The following SLC4A4 variants were observed in gnomAD, a reference collection of about 807,000 sequenced individuals.
The protein encoded by SLC4A4 is electrogenic sodium bicarbonate cotransporter 1.
In SLC4A4, 27 loss-of-function variants were observed where a neutral mutation model predicts 111.5. The observed-to-expected ratio is 0.24, with a 90% CI of 0.18 to 0.33. SLC4A4 has a LOEUF of 0.33. Ranked by LOEUF, SLC4A4 falls within the 10% of genes least tolerant of loss-of-function variation. The probability of loss-of-function intolerance (pLI) is 1.00; values close to 1 mark genes in which losing one functional copy is unlikely to be tolerated. For missense variants in SLC4A4, 909 were observed against 1,315.5 expected, an observed-to-expected ratio of 0.69 and a Z score of 4.78; for synonymous variants, 443 against 463.4, an observed-to-expected ratio of 0.96 and a Z score of 0.57.
chr4:71,516,810 C>G (rs192473421), intron 16 of SLC4A4, among the ~76,000 whole-genome samples: 36 of 152,244 alleles, frequency 2.4e-4, no homozygotes, highest in Non-Finnish European at 2.9e-5. Context: ...GTGTTCTATT[C>G]GAGGTATGTT....
chr4:71,443,116 C>CTCTCTCTCTCTCTCTCTCTATATA (rs1198759861), intron 8 of SLC4A4, among the ~76,000 whole-genome samples: 1 of 65,654 alleles, frequency 1.5e-5, no homozygotes, highest in African/African-American at 8.7e-5. Flanking sequence ...CTCTCTCTCT[C>CTCTCTCTCTCTCTCTCTCTATATA]TATATATATA....
Position 71,397,448 on chromosome 4 carries a change from A to C in SLC4A4, c.731-129A>C. ...TGGACTCTGGAAAACTCTTCAGAAGAATCCTAGTGTGGTTAAAAGTATCAT... is the reference window on the plus strand; with the variant it reads ...TGGACTCTGGAAAACTCTTCAGAAGCATCCTAGTGTGGTTAAAAGTATCAT... On this transcript the variant is annotated intron_variant, in intron 6 of 25. Coordinates refer to ENST00000264485, the MANE Select transcript of SLC4A4 (RefSeq NM_001098484.3). The C allele has an allele frequency of 3.6e-6, 3 of 830,906 alleles. No homozygotes were observed. In the South Asian group the frequency reaches 4.2e-5, roughly 12 times the overall value. 51.5% of individuals were successfully genotyped at this position (830,906 alleles called of 1,614,324 possible). A position where few individuals can be genotyped will look rare whatever the true frequency, so the allele number is the denominator to read the frequency against.
chr4:71,427,803 A>G (rs1413127612), intron 7 of SLC4A4, among the ~76,000 whole-genome samples: 2 of 152,182 alleles, frequency 1.3e-5, no homozygotes, highest in African/African-American at 2.4e-5. Flanking sequence ...GCTTACAACC[A>G]TCCACACAGA....
intron 6 of SLC4A4, among the ~76,000 whole-genome samples, chr4:71,385,565 A>T (rs1396062894): frequency 6.6e-6 from 1 of 152,118 alleles, no homozygotes. Flanking sequence ...TTCTAATGTT[A>T]GAAATACATG....
chr4:71,383,693 TC>T (rs1718390841), intron 6 of SLC4A4, among the ~76,000 whole-genome samples: 3 of 152,206 alleles, frequency 2.0e-5, no homozygotes, highest in South Asian at 4.1e-4. Flanking sequence ...GCAAGACACT[TC>T]CACATGTGTT....
rs538248246 is a variant in SLC4A4 at position 71,259,648 on chromosome 4, T to C, written c.253+4249T>C. On this transcript the variant is annotated intron_variant, in intron 3 of 25. Transcript: ENST00000264485. ...CCTCCTCCACTGTGCATTTTTTTTT[T>C]CTAAGTTAGCAGCTGCCATCCTCTG... 3.2e-4 allele frequency among the ~76,000 whole-genome samples: 48 copies of C among 152,186 alleles called. No homozygotes were observed. In the South Asian group the frequency reaches 9.6e-3, roughly 30 times the overall value.
chr4:71,109,550 CT>C (rs1160826004), intron 2 of SLC4A4, among the ~76,000 whole-genome samples: 160 of 145,350 alleles, frequency 1.1e-3, no homozygotes, highest in Admixed American at 1.1e-3. Flanking sequence ...ATTTTTCTAC[CT>C]TTTTTTTTTT....
chr4:71,246,406 TA>T (rs1720659143), intron 2 of SLC4A4, among the ~76,000 whole-genome samples: 1 of 151,490 alleles, frequency 6.6e-6, no homozygotes, highest in South Asian at 2.1e-4. Context: ...GGAATTTAGG[TA>T]GGGAGATGGA....
At chr4:71,246,197 G>T (rs1339659106) in intron 2 of SLC4A4, among the ~76,000 whole-genome samples, 1 of 152,162 alleles carries the variant, frequency 6.6e-6, no homozygotes, top group Non-Finnish European at 1.5e-5. Flanking sequence ...TATTATAGAT[G>T]TTTTAGAACT....
intron 2 of SLC4A4, among the ~76,000 whole-genome samples, chr4:71,162,201 T>C (rs1387701959): frequency 6.6e-6 from 1 of 152,168 alleles, no homozygotes; most frequent in Non-Finnish European, 1.5e-5. Context: ...TGTCTTTGCA[T>C]GGTCACTGAA....
At chr4:71,210,805 G>T (rs1004206064) in intron 1 of SLC4A4, among the ~76,000 whole-genome samples, 1 of 152,190 alleles carries the variant, frequency 6.6e-6, no homozygotes. Flanking sequence ...TGAAGTGTCT[G>T]TATCTTATTC....
chr4:71,254,572 A>C (rs555446684), intron 2 of SLC4A4, among the ~76,000 whole-genome samples: 8 of 151,668 alleles, frequency 5.3e-5, no homozygotes, highest in African/African-American at 1.9e-4. Context: ...ACGTTTGAGT[A>C]TTTCTAAAAT....
At chr4:71,426,500 C>T (rs939422458) in intron 7 of SLC4A4, among the ~76,000 whole-genome samples, 45 of 152,054 alleles carry the variant, frequency 3.0e-4, no homozygotes, top group South Asian at 6.2e-4. Flanking sequence ...TTCTATTAAC[C>T]AAAGAAGCCA....
At chr4:71,389,532 T>G (rs1162546564) in intron 6 of SLC4A4, among the ~76,000 whole-genome samples, 2 of 152,206 alleles carry the variant, frequency 1.3e-5, no homozygotes, top group East Asian at 3.8e-4. Context: ...CTTTATTGCT[T>G]CTTCTTTTCC....
chr4:71,145,212 G>A (rs1432992511), intron 2 of SLC4A4, among the ~76,000 whole-genome samples: 1 of 152,110 alleles, frequency 6.6e-6, no homozygotes, highest in East Asian at 1.9e-4. Context: ...TAATCATGTG[G>A]TTTTTGTCTT....
At chr4:71,502,700 T>C (rs1397046622) in intron 16 of SLC4A4, among the ~76,000 whole-genome samples, 3 of 152,218 alleles carry the variant, frequency 2.0e-5, no homozygotes, top group Non-Finnish European at 4.4e-5. Flanking sequence ...AGATACTTGA[T>C]ATGATCTCTG....
chr4:71,511,836 T>C (rs1220821012), intron 16 of SLC4A4, among the ~76,000 whole-genome samples: 2 of 152,200 alleles, frequency 1.3e-5, no homozygotes, highest in African/African-American at 4.8e-5. Context: ...TCAAATTTTT[T>C]AGCTTCCACA....
exon 1 of SLC4A4, among the ~76,000 whole-genome samples, chr4:71,062,693 T>C (rs1424411965): frequency 6.6e-6 from 1 of 152,174 alleles, no homozygotes; most frequent in Non-Finnish European, 1.5e-5. Flanking sequence ...TCAGAAGATA[T>C]AAGAAGCTTA....
chr4:71,397,680 A>G, intron 7 of SLC4A4, 27 bp downstream of exon 7: 1 of 1,578,874 alleles, frequency 6.3e-7, no homozygotes, highest in East Asian at 2.2e-5. Flanking sequence ...TGCTTCTTTG[A>G]AATGTAAGAG....
Sources: gnomAD v4.1 joint callset for allele counts (sites outside exome capture counted in the v4.1 genomes callset) on GRCh38, gnomAD v4.1.1 for gene constraint, MANE v1.5 for transcripts, NCBI Gene and HGNC (gene_info 2026-07-23, HGNC 2026-07-21) for gene names.